CFAP74: variants seen among roughly 807,000 people sequenced by gnomAD.
CFAP74 encodes cilia- and flagella-associated protein 74.
CFAP74 carries 124 observed loss-of-function variants against 188.9 expected under a neutral mutation model. The observed-to-expected ratio is 0.66, with a 90% confidence interval of 0.57 to 0.76. The LOEUF is 0.76. CFAP74 is among the 30% of genes least tolerant of loss of function. CFAP74 has a pLI of 0.00. For missense variants in CFAP74, 2,198 were observed against 2,165.2 expected (o/e 1.02, Z -0.30); for synonymous variants, 956 against 916.7 (o/e 1.04, Z -0.77).
intron 1 of CFAP74, among the ~76,000 whole-genome samples, chr1:2,002,562 T>G (rs1267248863): frequency 6.6e-6 from 1 of 150,742 alleles, no homozygotes; most frequent in Non-Finnish European, 1.5e-5. Flanking sequence ...CCCAGCTACT[T>G]GGGAGGCTGA....
rs760832610 is a variant in CFAP74 at position 1,955,442 on chromosome 1, G to T, written c.2176+249C>A. The T allele has an allele frequency of 3.3e-6, 5 of 1,526,644 alleles. No individual in the cohort carries two copies. In the East Asian group the frequency reaches 1.3e-4, roughly 41 times the overall value. The allele number at this position is 1,526,644 out of a possible 1,614,324, so 94.6% of individuals were successfully genotyped here. On this transcript the variant is annotated intron_variant, in intron 18 of 38. Transcript: ENST00000682832. ...GTGCGGCTCCGCCCGTGCTGGGCCT[G>T]CTGGGCCAATGCTGGAGGTGCCTTC... is the stretch of plus-strand genomic sequence containing the variant.
chr1:1,979,813 G>A (rs182787889), intron 6 of CFAP74, among the ~76,000 whole-genome samples: 3 of 115,654 alleles, frequency 2.6e-5, no homozygotes, highest in Admixed American at 8.4e-5. Context: ...ACGAAGCTGC[G>A]CAGAACACGC....
In CFAP74 at chr1:1,929,940, G is replaced by C. The variant is rs539766936; in HGVS notation, c.3288+120C>G. The C allele has an allele frequency of 7.1e-5, 83 of 1,170,324 alleles. No homozygotes were observed. In the East Asian group the frequency reaches 2.2e-3, roughly 30 times the overall value. The allele number at this position is 1,170,324 out of a possible 1,614,324, so 72.5% of individuals were successfully genotyped here. On this transcript the variant is annotated intron_variant, in intron 26 of 38. Transcript: ENST00000682832. The stretch of plus-strand genomic sequence containing the variant: ...GGGTCTGAGGGTCAGGTTCACTCCC[G>C]CCCCTGTTCTCCGGGTTGAAACCCT...
At chr1:1,999,235 G>C (rs1222554700) in intron 1 of CFAP74, among the ~76,000 whole-genome samples, 2 of 152,210 alleles carry the variant, frequency 1.3e-5, no homozygotes, top group Non-Finnish European at 2.9e-5. Flanking sequence ...GAACAGATCA[G>C]AGAGGCCAGA....
chr1:1,927,814 T>A (rs1352215484), intron 27 of CFAP74, 68 bp from the exon 28 acceptor site: 1 of 1,493,832 alleles, frequency 6.7e-7, no homozygotes, highest in East Asian at 2.5e-5. Context: ...GCCCCGTGGC[T>A]CCTCTGCGGC....
At chr1:1,971,325 GCACACCTGCACACACGTGCA>G (rs1656035873) in intron 9 of CFAP74, among the ~76,000 whole-genome samples, 5 of 145,348 alleles carry the variant, frequency 3.4e-5, no homozygotes, top group Non-Finnish European at 3.0e-5. Flanking sequence ...GCAGACACTT[GCACACCTGCACACACGTGCA>G]CACACATGCA....
intron 24 of CFAP74, among the ~76,000 whole-genome samples, chr1:1,939,323 G>T (rs1351163083): frequency 6.6e-6 from 1 of 152,244 alleles, no homozygotes; most frequent in Non-Finnish European, 1.5e-5. Flanking sequence ...CAGCTACCTT[G>T]TGTGGCCCCA....
At chr1:1,996,311 C>T (rs1012283004) in intron 1 of CFAP74, among the ~76,000 whole-genome samples, 5 of 152,022 alleles carry the variant, frequency 3.3e-5, no homozygotes, top group Admixed American at 2.6e-4. Flanking sequence ...AAGAGAGAGA[C>T]GTCTAAAACA....
At chr1:1,971,854 T>C in intron 9 of CFAP74, 126 bp downstream of exon 9, 1 of 704,292 alleles carries the variant, frequency 1.4e-6, no homozygotes, top group Non-Finnish European at 2.4e-6. Context: ...CCTCCAGGGG[T>C]CACCAAGTGC....
At chr1:1,991,868 T>C (rs1326480957) in intron 1 of CFAP74, among the ~76,000 whole-genome samples, 7 of 151,122 alleles carry the variant, frequency 4.6e-5, no homozygotes, top group African/African-American at 9.8e-5. Context: ...TGAAACCCCA[T>C]CTCTACTAAA....
At chr1:1,955,607 C>T (rs747264122) in intron 18 of CFAP74, 84 bp downstream of exon 18, 4 of 1,612,352 alleles carry the variant, frequency 2.5e-6, no homozygotes, top group Non-Finnish European at 1.7e-6. Context: ...TCCAGCCCTC[C>T]CCTGGGCCCC....
intron 25 of CFAP74, among the ~76,000 whole-genome samples, chr1:1,936,461 T>G (rs1652904566): frequency 6.6e-6 from 1 of 151,984 alleles, no homozygotes; most frequent in Non-Finnish European, 1.5e-5. Context: ...GGAGAATTGC[T>G]TGAACCCGGG....
At chr1:1,960,815 C>T (rs533296189) in intron 14 of CFAP74, among the ~76,000 whole-genome samples, 48 of 152,282 alleles carry the variant, frequency 3.2e-4, no homozygotes, top group East Asian at 1.2e-3. Flanking sequence ...GAGCAGAATC[C>T]GAGAGGGTGG....
In CFAP74 at chr1:1,924,498, G is replaced by T; in HGVS notation, c.4127C>A (p.Pro1376His). 6.2e-7 allele frequency: 1 copy of T among 1,605,058 alleles called. No homozygotes were observed. The highest frequency in any genetic ancestry group is 1.1e-5 in the South Asian group (1 of 89,936). The change falls in exon 34 of 39, where the codon CCC (proline) becomes CAC (histidine). Residue 1376 changes from proline to histidine, a missense_variant. Transcript: ENST00000682832. ...GTCCAGGTGCATGGAGAACTTGATG[G>T]GGAGCAGAGAGTTGTTCTGCAGCTG... ...GFKLQNNSLL[P>H]IKFSMHLDSL...
rs765527104 is a variant in CFAP74 at position 1,970,785 on chromosome 1, C to CG, written c.919dup (p.Arg307ProfsTer14). 6.2e-7 allele frequency: 1 copy of CG among 1,614,164 alleles called. No homozygotes were observed. Among genetic ancestry groups the CG allele is most frequent in the Non-Finnish European group, 8.5e-7 (1 of 1,180,004 alleles). ...CTGCTCCGCCAGCTCTGCCTTGGCA[C>CG]GGTCCCATGCTTGGAACTTCCGCAG... is the stretch of plus-strand genomic sequence containing the variant. On this transcript the variant is annotated frameshift_variant, in exon 10 of 39. Transcript: ENST00000682832. LOFTEE classifies it high-confidence loss of function.
intron 6 of CFAP74, among the ~76,000 whole-genome samples, chr1:1,977,342 C>A (rs552130401): frequency 6.6e-6 from 1 of 152,140 alleles, no homozygotes; most frequent in African/African-American, 2.4e-5. Context: ...CACATCTGAG[C>A]GAGTGCCCCA....
At position 1,930,135 on chromosome 1, in the gene CFAP74, C is replaced by T. The variant is rs1264278516; in HGVS notation, c.3213G>A (p.Thr1071=). 11 of 1,535,430 alleles carry T rather than the reference C, an allele frequency of 7.2e-6. No individual in the cohort carries two copies. Among genetic ancestry groups the T allele is most frequent in the African/African-American group, 2.7e-5 (2 of 73,012 alleles). ...GSEDASPMGP[T]SFEFLLPPDS... ...CTGGGGGCAGCAGGAACTCGAAAGA[C>T]GTGGGCCCCATGGGAGAGGCGTCCT... The change falls in exon 26 of 39, where the codon ACG becomes ACA. Residue 1071 remains threonine (T), a synonymous_variant. Coordinates refer to ENST00000682832, the MANE Select transcript of CFAP74 (RefSeq NM_001304360.2).
chr1:1,973,501 T>C lies in CFAP74; in HGVS notation c.675-454A>G, dbSNP rs1362623391. Among the ~76,000 whole-genome samples the C allele has an allele frequency of 6.6e-6, 1 of 150,812 alleles. No individual in the cohort carries two copies. The highest frequency in any genetic ancestry group is 1.5e-5 in the Non-Finnish European group (1 of 67,638). On this transcript the variant is annotated intron_variant, in intron 7 of 38. Transcript: ENST00000682832. This position sits in a 1 kb window ranked among gnomAD's most constrained non-coding sequence, Gnocchi z 6.2. The stretch of plus-strand genomic sequence containing the variant: ...CCCGAGGAGAGAGGCTCACGGCAGG[T>C]TGGGACAGCTGGCCTGATGGCCTGT...
chr1:1,936,492 C>G (rs534369668), intron 25 of CFAP74, among the ~76,000 whole-genome samples: 122 of 151,800 alleles, frequency 8.0e-4, no homozygotes, highest in African/African-American at 2.9e-3. Context: ...TGCAGTGAGC[C>G]GAGATCATGC....
Sources: allele counts gnomAD v4.1 joint callset (sites outside exome capture counted in the v4.1 genomes callset), GRCh38; gene constraint gnomAD v4.1.1; non-coding constraint Gnocchi (gnomAD v3.1); transcripts MANE v1.5; gene names NCBI Gene and HGNC (gene_info 2026-07-23, HGNC 2026-07-21).